The following HTRA3 variants were observed in gnomAD, a reference collection of about 807,000 sequenced individuals.
HTRA3 encodes serine protease HTRA3.
Under a neutral mutation model 43.2 loss-of-function variants are expected in HTRA3, and 41 were observed. The ratio of observed to expected loss-of-function variants is 0.95; its 90% confidence interval spans 0.74 to 1.23. HTRA3 has a LOEUF of 1.23. Among genes scored for constraint, HTRA3 ranks in the 50% most tolerant of loss-of-function variants. The pLI is 0.00. For synonymous variants in HTRA3, 295 were observed against 287.9 expected, an observed-to-expected ratio of 1.02 and a Z score of -0.25; for missense variants, 628 against 647.1, an observed-to-expected ratio of 0.97 and a Z score of 0.32.
rs1351034994 is a variant in HTRA3 at position 8,286,144 on chromosome 4, C to T, written c.486-417C>T. On this transcript the variant is annotated intron_variant, in intron 2 of 8. Coordinates refer to ENST00000307358, the MANE Select transcript of HTRA3 (RefSeq NM_053044.5). This position sits in a 1 kb window ranked among gnomAD's most constrained non-coding sequence, Gnocchi z 4.9. ...GAGGAGGTGTTGTTGTCCCATTTCCCAAATGGGGAGACCAAGGCTCAGAGA... is the reference window on the plus strand; with the variant it reads ...GAGGAGGTGTTGTTGTCCCATTTCCTAAATGGGGAGACCAAGGCTCAGAGA... 6.6e-6 allele frequency among the ~76,000 whole-genome samples: 1 copy of T among 152,168 alleles called. No homozygotes were observed. Among genetic ancestry groups the T allele is most frequent in the African/African-American group, 2.4e-5 (1 of 41,446 alleles).
At position 8,296,197 on chromosome 4, in the gene HTRA3, CCTCT is replaced by C. The variant is rs1164308799; in HGVS notation, c.1051+2001_1051+2004del. On this transcript the variant is annotated intron_variant, in intron 6 of 8. Coordinates refer to ENST00000307358, the MANE Select transcript of HTRA3 (RefSeq NM_053044.5). This position sits in a 1 kb window ranked among gnomAD's most constrained non-coding sequence, Gnocchi z 5.3. ...ATGATAGTGTCCTCTTCCCTTCTTG[CCTCT>C]CTCTTTCTCCTGAGACAGGATCCCC... is the stretch of plus-strand genomic sequence containing the variant. 2.4e-5 allele frequency: 24 copies of C among 986,236 alleles called. 1 individual carries two copies. In the South Asian group the frequency reaches 4.7e-4, roughly 19 times the overall value. 61.1% of individuals were successfully genotyped at this position (986,236 alleles called of 1,614,324 possible).
chr4:8,292,926 G>T (rs1475294408), intron 5 of HTRA3, among the ~76,000 whole-genome samples: 1 of 152,204 alleles, frequency 6.6e-6, no homozygotes, highest in Non-Finnish European at 1.5e-5. Context: ...GGGACGCTGG[G>T]CAGGAAGACC....
chr4:8,282,302 G>A (rs571120618), intron 1 of HTRA3, 135 bp from the exon 2 acceptor site: 26 of 700,574 alleles, frequency 3.7e-5, no homozygotes, highest in Non-Finnish European at 6.2e-5. Context: ...CGGGCTCAGT[G>A]TGGGCTGAGG....
At chr4:8,281,379 TG>T (rs1363888276) in intron 1 of HTRA3, among the ~76,000 whole-genome samples, 10 of 152,078 alleles carry the variant, frequency 6.6e-5, no homozygotes, top group African/African-American at 2.4e-4. Flanking sequence ...GGTGGCTGGG[TG>T]GGTGGGTAGC....
rs752864456 is a variant in HTRA3 at position 8,270,230 on chromosome 4, G to A, written c.262G>A (p.Ala88Thr). Residue 88 changes from alanine to threonine, a missense_variant, in exon 1 of 9, where the codon GCC becomes ACC. Coordinates refer to ENST00000307358, the MANE Select transcript of HTRA3 (RefSeq NM_053044.5). ...RGLCRCRWSH[A>T]VCGTDGHTYA... ...CCTATGCCGCTGCCGCTGGTCGCAC[G>A]CCGTGTGTGGCACCGACGGGCACAC... is the stretch of plus-strand genomic sequence containing the variant. The A allele has an allele frequency of 2.0e-4, 311 of 1,532,970 alleles. No homozygotes were observed. Among genetic ancestry groups the A allele is most frequent in the Admixed American group, 2.5e-4 (13 of 51,424 alleles). 95.0% of individuals were successfully genotyped at this position (1,532,970 alleles called of 1,614,324 possible). A position where few individuals can be genotyped will look rare whatever the true frequency, so the allele number is the denominator to read the frequency against.
At chr4:8,294,926 A>G (rs1029146970) in intron 6 of HTRA3, among the ~76,000 whole-genome samples, 5 of 143,784 alleles carry the variant, frequency 3.5e-5, no homozygotes, top group Admixed American at 2.1e-4. Context: ...TCTTCCATCC[A>G]TCATCCATTC....
rs1713476695 is a variant in HTRA3, at chr4:8,296,913, A to G, written c.1051+2712A>G. ...ACATCACAGAGTTCCCAGATCTCTG[A>G]CATCACAGGATTCCTCGATCTCAGA... is the stretch of plus-strand genomic sequence containing the variant. On this transcript the variant is annotated intron_variant, in intron 6 of 8. Coordinates refer to ENST00000307358, the MANE Select transcript of HTRA3 (RefSeq NM_053044.5). The surrounding 1 kb of genome is among the most constrained non-coding windows in gnomAD (Gnocchi z 5.3). 6.6e-6 allele frequency among the ~76,000 whole-genome samples: 1 copy of G among 152,134 alleles called. No homozygotes were observed. Among genetic ancestry groups the G allele is most frequent in the Non-Finnish European group, 1.5e-5 (1 of 68,032 alleles).
At position 8,277,141 on chromosome 4, in the gene HTRA3, G is replaced by A. The variant is rs182361834; in HGVS notation, c.386-5296G>A. On this transcript the variant is annotated intron_variant, in intron 1 of 8. Transcript: ENST00000307358. ...TGGCAGATGGCAGCATCCACCCCAC[G>A]GGGAGCCACAGCTGGACCTGAGGCT... Among the ~76,000 whole-genome samples the A allele has an allele frequency of 4.5e-4, 68 of 152,274 alleles. No individual in the cohort carries two copies. The East Asian group carries it at 9.7e-3, about 22-fold the overall frequency.
At position 8,299,183 on chromosome 4, in the gene HTRA3, G is replaced by T. The variant is rs568624408; in HGVS notation, c.1052-3280G>T. Among the ~76,000 whole-genome samples the T allele has an allele frequency of 3.9e-5, 6 of 152,136 alleles. No individual in the cohort carries two copies. In the East Asian group the frequency reaches 1.2e-3, roughly 29 times the overall value. On this transcript the variant is annotated intron_variant, in intron 6 of 8. Transcript: ENST00000307358. ...TCTCTGCAATGTTTTATAGTTTTCGGTGTACTGGTTTTTGGGCATTTTTCA... is the reference window on the plus strand; with the variant it reads ...TCTCTGCAATGTTTTATAGTTTTCGTTGTACTGGTTTTTGGGCATTTTTCA...
intron 1 of HTRA3, among the ~76,000 whole-genome samples, chr4:8,272,291 G>A (rs1712311532): frequency 6.6e-6 from 1 of 152,158 alleles, no homozygotes; most frequent in Non-Finnish European, 1.5e-5. Context: ...GACCCTGTTG[G>A]TGCCCTCAAG....
At chr4:8,293,830 C>G (rs1713336239) in intron 5 of HTRA3, among the ~76,000 whole-genome samples, 1 of 152,164 alleles carries the variant, frequency 6.6e-6, no homozygotes, top group Non-Finnish European at 1.5e-5. Flanking sequence ...TGGCCAGAGC[C>G]TGGGGGCAGG....
chr4:8,302,766 G>A (rs532318438), intron 7 of HTRA3, among the ~76,000 whole-genome samples: 3 of 152,344 alleles, frequency 2.0e-5, no homozygotes, highest in African/African-American at 7.2e-5. Context: ...TAAGCCTGGT[G>A]GCTTAAAACA....
intron 6 of HTRA3, 27 bp from the exon 7 acceptor site, chr4:8,302,435 AC>A (rs754288102): frequency 1.2e-6 from 2 of 1,612,690 alleles, no homozygotes; most frequent in Non-Finnish European, 1.7e-6. Context: ...AGCAGCCCTA[AC>A]GGAGTCTCGC....
chr4:8,272,494 C>A (rs549963111), intron 1 of HTRA3, among the ~76,000 whole-genome samples: 1 of 152,198 alleles, frequency 6.6e-6, no homozygotes, highest in South Asian at 2.1e-4. Flanking sequence ...ACTTGCTCAC[C>A]GTGAGTTTCC....
At chr4:8,270,378 A>C in intron 1 of HTRA3, 25 bp downstream of exon 1, 3 of 1,378,622 alleles carry the variant, frequency 2.2e-6, no homozygotes, top group Non-Finnish European at 2.8e-6. Flanking sequence ...GCCAGGGAGG[A>C]AGTGAAGCTT....
intron 1 of HTRA3, among the ~76,000 whole-genome samples, chr4:8,275,493 C>A (rs1256500036): frequency 1.3e-5 from 2 of 152,216 alleles, no homozygotes; most frequent in Non-Finnish European, 2.9e-5. Flanking sequence ...GGACCAATGA[C>A]AATGCATGGA....
In HTRA3 at chr4:8,299,069, T is replaced by A. The variant is rs567338489; in HGVS notation, c.1052-3394T>A. On this transcript the variant is annotated intron_variant, in intron 6 of 8. Transcript: ENST00000307358. ...GATTCCATTGAATTTACAGATCAAT[T>A]TGGGGAAATTTGGCATTTTAACAAT... Among the ~76,000 whole-genome samples the A allele has an allele frequency of 2.0e-5, 3 of 152,236 alleles. No individual in the cohort carries two copies. In the East Asian group the frequency reaches 5.8e-4, roughly 29 times the overall value.
intron 8 of HTRA3, among the ~76,000 whole-genome samples, 189 bp downstream of exon 8, chr4:8,304,468 G>A (rs1049565651): frequency 6.6e-6 from 1 of 152,098 alleles, no homozygotes; most frequent in Non-Finnish European, 1.5e-5. Context: ...CCCTGACTGT[G>A]TACGTCCTAA....
intron 1 of HTRA3, among the ~76,000 whole-genome samples, chr4:8,271,574 C>T (rs1712278944): frequency 6.6e-6 from 1 of 152,152 alleles, no homozygotes. Flanking sequence ...ACGCCTGAGA[C>T]TGGGCAGTTT....
Sources: allele counts gnomAD v4.1 joint callset (sites outside exome capture counted in the v4.1 genomes callset), GRCh38; gene constraint gnomAD v4.1.1; non-coding constraint Gnocchi (gnomAD v3.1); transcripts MANE v1.5; gene names NCBI Gene and HGNC (gene_info 2026-07-23, HGNC 2026-07-21).